The following TMTC3 variants were observed in gnomAD, a reference collection of about 807,000 sequenced individuals.
TMTC3 encodes the protein protein O-mannosyl-transferase TMTC3.
TMTC3 carries 52 observed loss-of-function variants against 92.2 expected under a neutral mutation model. The observed-to-expected ratio is 0.56, with a 90% CI of 0.45 to 0.71. The LOEUF (loss-of-function observed/expected upper bound fraction) is 0.71, where lower values mean the gene tolerates loss of function less well. Among genes scored for constraint, TMTC3 ranks in the 30% least tolerant of loss-of-function variants. The pLI, the probability that TMTC3 is intolerant of heterozygous loss-of-function variation, is 0.00. For synonymous variants in TMTC3, 339 were observed against 363.3 expected, an observed-to-expected ratio of 0.93 and a Z score of 0.76; for missense variants, 896 against 1,057.1, an observed-to-expected ratio of 0.85 and a Z score of 2.11.
At position 88,195,629 on chromosome 12, in the gene TMTC3, C is replaced by T. The variant is rs747294917; in HGVS notation, c.2725C>T (p.Arg909Cys). ...TTTAAAAAGACTAGAAGAGATTGAA[C>T]GTATTTTAAATGGTGAATAACATTA... ...AALKRLEEIE[R>C]ILNGE is the part of the protein sequence containing the mutation. The change falls in exon 14 of 14, where the codon CGT becomes TGT. Residue 909 changes from arginine (R) to cysteine (C), a missense_variant. Arg to Cys is a radical substitution (Grantham distance 180, BLOSUM62 -3). Coordinates refer to ENST00000266712, the MANE Select transcript of TMTC3 (RefSeq NM_181783.4). 8.2e-6 allele frequency: 13 copies of T among 1,591,056 alleles called. No individual in the cohort carries two copies. Among genetic ancestry groups the T allele is most frequent in the Middle Eastern group, 1.7e-4 (1 of 5,908 alleles).
At chr12:88,167,676 A>G (rs1327071149) in intron 7 of TMTC3, among the ~76,000 whole-genome samples, 1 of 152,194 alleles carries the variant, frequency 6.6e-6, no homozygotes, top group Non-Finnish European at 1.5e-5. Flanking sequence ...TTCTAGAGAA[A>G]TTTGGATGTC....
At position 88,197,492 on chromosome 12, in the gene TMTC3, G is replaced by T. The variant is rs1256851647; in HGVS notation, c.*1843G>T. 1 of 152,288 alleles carries T rather than the reference G, an allele frequency of 6.6e-6. No homozygotes were observed. Among genetic ancestry groups the T allele is most frequent in the East Asian group, 1.9e-4 (1 of 5,176 alleles). The allele number at this position is 152,288 out of a possible 1,614,324, so 9.4% of individuals were successfully genotyped here. On this transcript the variant is annotated 3_prime_UTR_variant, in exon 14 of 14. Coordinates refer to ENST00000266712, the MANE Select transcript of TMTC3 (RefSeq NM_181783.4). ...CTCCATGTATCTTTCTTAAGGAAAA[G>T]TTTCTGAGTGTGATCTCTCTTTTGC...
Position 88,190,458 on chromosome 12 carries a change from TC to T in TMTC3, c.1544del (p.Pro515LeufsTer14). The T allele has an allele frequency of 6.2e-7, 1 of 1,613,278 alleles. No homozygotes were observed. Among genetic ancestry groups the T allele is most frequent in the East Asian group, 2.2e-5 (1 of 44,780 alleles). On this transcript the variant is annotated frameshift_variant, in exon 12 of 14. Transcript: ENST00000266712. LOFTEE classifies it high-confidence loss of function. ...MAKSLMPQII[P>X]GKKYAARIAP... ...ATGCCTTTTCTTCTAAACAGATTATTCCTGGTAAAAAATATGCAGCCAGAAT... is the reference window on the plus strand; with the variant it reads ...ATGCCTTTTCTTCTAAACAGATTATTCTGGTAAAAAATATGCAGCCAGAAT...
intron 1 of TMTC3, among the ~76,000 whole-genome samples, chr12:88,143,682 T>A (rs2040823718): frequency 6.6e-6 from 1 of 152,232 alleles, no homozygotes; most frequent in South Asian, 2.1e-4. Context: ...TAAACATTCT[T>A]CATGTTCAGT....
At chr12:88,155,364 C>G (rs892481009) in intron 4 of TMTC3, among the ~76,000 whole-genome samples, 3 of 152,176 alleles carry the variant, frequency 2.0e-5, no homozygotes, top group Non-Finnish European at 2.9e-5. Context: ...ACTTTTGTAA[C>G]TAATATGGAA....
chr12:88,153,264 T>C (rs1328060163), intron 2 of TMTC3, 27 bp from the exon 3 acceptor site: 1 of 1,557,388 alleles, frequency 6.4e-7, no homozygotes, highest in South Asian at 1.2e-5. Context: ...GGTACTTTAA[T>C]AATCACTGAT....
intron 7 of TMTC3, among the ~76,000 whole-genome samples, chr12:88,169,051 A>G (rs1407726243): frequency 6.6e-6 from 1 of 152,222 alleles, no homozygotes; most frequent in Non-Finnish European, 1.5e-5. Context: ...TTCAGCTTTC[A>G]TTGTAAATTA....
intron 10 of TMTC3, among the ~76,000 whole-genome samples, chr12:88,177,557 C>G (rs2041273397): frequency 6.6e-6 from 1 of 152,084 alleles, no homozygotes; most frequent in African/African-American, 2.4e-5. Context: ...ATCAGTGGAT[C>G]TGAGGAATTG....
chr12:88,173,094 G>A, intron 8 of TMTC3: 1 of 1,271,256 alleles, frequency 7.9e-7, no homozygotes, highest in Non-Finnish European at 1.0e-6. Flanking sequence ...ACTTAAGTGA[G>A]TCATATTGAG....
At chr12:88,161,372 A>T (rs1296424925) in intron 6 of TMTC3, among the ~76,000 whole-genome samples, 1 of 152,040 alleles carries the variant, frequency 6.6e-6, no homozygotes, top group Non-Finnish European at 1.5e-5. Flanking sequence ...TTTTCTTATC[A>T]CAGCTGTCTT....
rs781308245 is a variant in TMTC3, at chr12:88,160,209, GA to G, written c.606del (p.Val203CysfsTer34). ...AGTTGTAGGAATTTGCTGTGTGTAT[GA>G]AGTGTTTATTGCCCAGGGGGTAAGC... ...ITVVGICCVY[E>X]VFIAQGYTLP... is the part of the protein sequence containing the mutation. On this transcript the variant is annotated frameshift_variant, in exon 5 of 14. Coordinates refer to ENST00000266712, the MANE Select transcript of TMTC3 (RefSeq NM_181783.4). LOFTEE classifies it high-confidence loss of function. 3.9e-5 allele frequency: 61 copies of G among 1,568,246 alleles called. No homozygotes were observed. Among genetic ancestry groups the G allele is most frequent in the Non-Finnish European group, 5.0e-5 (58 of 1,161,324 alleles).
chr12:88,187,471 CA>C (rs1171542669), intron 10 of TMTC3, among the ~76,000 whole-genome samples: 2 of 152,040 alleles, frequency 1.3e-5, no homozygotes. Flanking sequence ...TTAAACTACA[CA>C]GGTATTCTGA....
chr12:88,189,801 G>C (rs1485545071), intron 11 of TMTC3, among the ~76,000 whole-genome samples: 4 of 152,034 alleles, frequency 2.6e-5, no homozygotes, highest in Admixed American at 1.3e-4. Context: ...TGATTATTAA[G>C]TTAAGGTTTT....
At chr12:88,150,852 G>C (rs1452448845) in intron 2 of TMTC3, among the ~76,000 whole-genome samples, 2 of 151,996 alleles carry the variant, frequency 1.3e-5, no homozygotes, top group South Asian at 4.1e-4. Context: ...GACACATTTT[G>C]GGCTTAGGAC....
Position 88,148,351 on chromosome 12 carries a change from A to G in TMTC3, c.36A>G (p.Ile12Met). 1 of 1,613,428 alleles carries G rather than the reference A, an allele frequency of 6.2e-7. No individual in the cohort carries two copies. Among genetic ancestry groups the G allele is most frequent in the Non-Finnish European group, 8.5e-7 (1 of 1,179,642 alleles). Residue 12 changes from isoleucine to methionine, a missense_variant, in exon 2 of 14, where the codon ATA becomes ATG. Physicochemically the swap from Ile to Met is conservative, Grantham distance 10. Coordinates refer to ENST00000266712, the MANE Select transcript of TMTC3 (RefSeq NM_181783.4). ...ANINLKEITLIVGVVTACYWN... is the reference protein window; with the variant it reads ...ANINLKEITLMVGVVTACYWN... ...TTAACCTAAAAGAAATAACCTTAAT[A>G]GTAGGTGTGGTTACTGCCTGCTATT...
Position 88,160,735 on chromosome 12 carries a change from C to T in TMTC3, c.681C>T (p.Ser227=), listed in dbSNP as rs984151681. 6.2e-7 allele frequency: 1 copy of T among 1,613,628 alleles called. No individual in the cohort carries two copies. Among genetic ancestry groups the T allele is most frequent in the Non-Finnish European group, 8.5e-7 (1 of 1,179,750 alleles). Residue 227 remains serine, a synonymous_variant, in exon 6 of 14, where the codon AGC becomes AGT. Transcript: ENST00000266712. The stretch of plus-strand genomic sequence containing the variant: ...GACAGTTTCTCCGTGGAAAGGGTAG[C>T]ATTCCATTTTCTATGCTGCAGACAC... ...TAGQFLRGKG[S]IPFSMLQTLV... is the part of the protein sequence containing the mutation.
intron 12 of TMTC3, among the ~76,000 whole-genome samples, chr12:88,191,923 G>A (rs977924663): frequency 3.3e-5 from 5 of 151,310 alleles, no homozygotes; most frequent in African/African-American, 1.2e-4. Flanking sequence ...TTGGTCAGCT[G>A]GTCTCCAACT....
chr12:88,145,855 AT>A (rs768740360), intron 1 of TMTC3, among the ~76,000 whole-genome samples: 1 of 152,086 alleles, frequency 6.6e-6, no homozygotes, highest in African/African-American at 2.4e-5. Flanking sequence ...TTTCACCCTA[AT>A]TTTTTCTTAT....
intron 13 of TMTC3, among the ~76,000 whole-genome samples, chr12:88,193,465 T>C (rs2041466535): frequency 6.6e-6 from 1 of 152,034 alleles, no homozygotes; most frequent in Non-Finnish European, 1.5e-5. Context: ...ATTAGAAAAA[T>C]CTATTATAAT....
Sources: gnomAD v4.1 joint callset for allele counts (sites outside exome capture counted in the v4.1 genomes callset) on GRCh38, gnomAD v4.1.1 for gene constraint, MANE v1.5 for transcripts, NCBI Gene and HGNC (gene_info 2026-07-23, HGNC 2026-07-21) for gene names.